The following PLA2G6 variants were observed in gnomAD, a reference collection of about 807,000 sequenced individuals.
The protein encoded by PLA2G6 is 85/88 kDa calcium-independent phospholipase A2.
Under a neutral mutation model 83.8 loss-of-function variants are expected in PLA2G6, and 62 were observed. The observed-to-expected ratio is 0.74, with a 90% CI of 0.60 to 0.91. The LOEUF is 0.91. Ranked by LOEUF, PLA2G6 falls within the 40% of genes least tolerant of loss-of-function variation. PLA2G6 has a pLI of 0.00. For missense variants in PLA2G6, 944 were observed against 1,102.0 expected (o/e 0.86, Z 2.03); for synonymous variants, 417 against 449.8 (o/e 0.93, Z 0.92).
chr22:38,128,473 A>G lies in PLA2G6; in HGVS notation c.1187-43T>C. 2 of 1,606,610 alleles carry G rather than the reference A, an allele frequency of 1.2e-6. No homozygotes were observed. The highest frequency in any genetic ancestry group is 2.2e-5 in the South Asian group (2 of 90,792). ...AAGGGGAGATGGCACAGGATCAGAA[A>G]TGATGTCAACATGCAAAGGAGAGGC... On this transcript the variant is annotated intron_variant, in intron 8 of 16. Coordinates refer to ENST00000332509, the MANE Select transcript of PLA2G6 (RefSeq NM_003560.4). The surrounding 1 kb of genome is among the most constrained non-coding windows in gnomAD (Gnocchi z 4.4).
intron 2 of PLA2G6, among the ~76,000 whole-genome samples, chr22:38,153,528 G>A (rs955959324): frequency 6.6e-6 from 1 of 151,830 alleles, no homozygotes; most frequent in African/African-American, 2.4e-5. Context: ...CCCAGCTACT[G>A]GGGAGGCTGA....
chr22:38,156,463 T>TA (rs945140363), intron 2 of PLA2G6, among the ~76,000 whole-genome samples: 3 of 151,368 alleles, frequency 2.0e-5, no homozygotes, highest in Admixed American at 6.6e-5. Context: ...TTGTTATTAT[T>TA]TTTTTTTTGA....
Position 38,133,007 on chromosome 22 carries a change from G to A in PLA2G6, c.901C>T (p.Arg301Cys), listed in dbSNP as rs367854265. ...LHWAKNAEMA[R>C]MLLKRGCNVN... Reference sequence around the variant, plus strand: ...TTGCAGCCCCGTTTCAGCAGCATGCGGGCCATCTGCGGGAGACGGTCAGGC... The same window carrying A: ...TTGCAGCCCCGTTTCAGCAGCATGCAGGCCATCTGCGGGAGACGGTCAGGC... Residue 301 changes from arginine to cysteine, a missense_variant, in exon 7 of 17, where the codon CGC becomes TGC. Physicochemically the swap from Arg to Cys is radical, Grantham distance 180. Coordinates refer to ENST00000332509, the MANE Select transcript of PLA2G6 (RefSeq NM_003560.4). 211 of 1,562,822 alleles carry A rather than the reference G, an allele frequency of 1.4e-4. No individual in the cohort carries two copies. The highest frequency in any genetic ancestry group is 1.8e-4 in the Non-Finnish European group (204 of 1,155,018).
intron 1 of PLA2G6, among the ~76,000 whole-genome samples, chr22:38,177,241 A>G (rs1289979427): frequency 6.6e-6 from 1 of 151,946 alleles, no homozygotes; most frequent in Non-Finnish European, 1.5e-5. Context: ...GAAAACACTG[A>G]ATGAACACAG....
At chr22:38,167,144 C>T (rs537726260) in intron 2 of PLA2G6, among the ~76,000 whole-genome samples, 126 of 149,022 alleles carry the variant, frequency 8.5e-4, no homozygotes, top group Non-Finnish European at 1.6e-3. Context: ...AGGAGAATGG[C>T]GTGAACCTGG....
intron 5 of PLA2G6, chr22:38,137,582 C>T (rs903752584): frequency 2.0e-5 from 3 of 151,392 alleles, no homozygotes; most frequent in Non-Finnish European, 2.9e-5. Flanking sequence ...GCCTGTAATC[C>T]CAGCATGTTG....
intron 2 of PLA2G6, among the ~76,000 whole-genome samples, chr22:38,159,303 C>T (rs1377212028): frequency 1.3e-5 from 2 of 152,090 alleles, no homozygotes; most frequent in Non-Finnish European, 2.9e-5. Context: ...ACAACATACC[C>T]AAACCGACAT....
chr22:38,145,553 T>C lies in PLA2G6; in HGVS notation c.310A>G (p.Thr104Ala), dbSNP rs1410256802. The C allele has an allele frequency of 1.2e-6, 2 of 1,612,886 alleles. No individual in the cohort carries two copies. Among genetic ancestry groups the C allele is most frequent in the African/African-American group, 1.3e-5 (1 of 74,848 alleles). The change falls in exon 3 of 17, where the codon ACT (threonine) becomes GCT (alanine). Residue 104 changes from threonine to alanine, a missense_variant. Coordinates refer to ENST00000332509, the MANE Select transcript of PLA2G6 (RefSeq NM_003560.4). ...FYESSPQVLH[T>A]EVLQHLTDLI... ...TCGGTCAGGTGCTGCAGGACCTCAG[T>C]GTGCAGGACCTGAGGGGAGCTCTCA...
At chr22:38,148,326 T>C (rs900179039) in intron 2 of PLA2G6, 1 of 580,718 alleles carries the variant, frequency 1.7e-6, no homozygotes, top group Non-Finnish European at 3.1e-6. Context: ...GGCATTTGAA[T>C]GCTGACGGGA....
chr22:38,175,175 C>G (rs2090586741), intron 1 of PLA2G6, among the ~76,000 whole-genome samples: 1 of 152,176 alleles, frequency 6.6e-6, no homozygotes, highest in African/African-American at 2.4e-5. Context: ...TGAAAGGGGC[C>G]TGCACTTGCG....
At position 38,153,591 on chromosome 22, in the gene PLA2G6, G is replaced by A. The variant is rs568513235; in HGVS notation, c.210-7938C>T. Reference sequence around the variant, plus strand: ...GCAGAGGTTGCAGTGAGCCGAGATCGCGCCACTGCACTCCAGCCTGGGTGA... The same window carrying A: ...GCAGAGGTTGCAGTGAGCCGAGATCACGCCACTGCACTCCAGCCTGGGTGA... On this transcript the variant is annotated intron_variant, in intron 2 of 16. Coordinates refer to ENST00000332509, the MANE Select transcript of PLA2G6 (RefSeq NM_003560.4). Among the ~76,000 whole-genome samples, 25 of 150,430 alleles carry A rather than the reference G, an allele frequency of 1.7e-4. No individual in the cohort carries two copies. The South Asian group carries it at 2.5e-3, about 15-fold the overall frequency.
At chr22:38,144,975 G>T in intron 3 of PLA2G6, 1 of 365,172 alleles carries the variant, frequency 2.7e-6, no homozygotes. Context: ...GAGCACTCCG[G>T]ACTCTGGAAA....
Position 38,169,398 on chromosome 22 carries a change from G to A in PLA2G6, c.29C>T (p.Thr10Ile), listed in dbSNP as rs1323819447. The change falls in exon 2 of 17, where the codon ACC (threonine) becomes ATC (isoleucine). Residue 10 changes from threonine (T) to isoleucine (I), a missense_variant. Thr to Ile is a moderately conservative substitution (Grantham distance 89). Coordinates refer to ENST00000332509, the MANE Select transcript of PLA2G6 (RefSeq NM_003560.4). MQFFGRLVNTFSGVTNLFSN... is the reference protein window; with the variant it reads MQFFGRLVNIFSGVTNLFSN... ...GAACAAGTTGGTGACGCCACTGAAG[G>A]TATTGACCAGGCGGCCAAAGAACTG... 19 of 1,614,126 alleles carry A rather than the reference G, an allele frequency of 1.2e-5. No homozygotes were observed. Among genetic ancestry groups the A allele is most frequent in the Non-Finnish European group, 1.6e-5 (19 of 1,180,054 alleles).
At chr22:38,180,733 T>A (rs1320507859) in intron 1 of PLA2G6, among the ~76,000 whole-genome samples, 3 of 152,196 alleles carry the variant, frequency 2.0e-5, no homozygotes, top group Non-Finnish European at 2.9e-5. Context: ...CTTTACCTTC[T>A]ACATTTTCTC....
chr22:38,156,167 A>G (rs2089769877), intron 2 of PLA2G6, among the ~76,000 whole-genome samples: 2 of 152,218 alleles, frequency 1.3e-5, no homozygotes, highest in Non-Finnish European at 2.9e-5. Flanking sequence ...GAACACCCAG[A>G]TATATAAAGG....
At chr22:38,124,447 G>A (rs1223545554) in intron 10 of PLA2G6, among the ~76,000 whole-genome samples, 5 of 152,218 alleles carry the variant, frequency 3.3e-5, no homozygotes, top group Non-Finnish European at 5.9e-5. Context: ...CCCACATCCT[G>A]CCTGTCCTCA....
Position 38,133,008 on chromosome 22 carries a change from G to T in PLA2G6, c.900C>A (p.Ala300=). 2 of 1,562,016 alleles carry T rather than the reference G, an allele frequency of 1.3e-6. No individual in the cohort carries two copies. The highest frequency in any genetic ancestry group is 2.4e-5 in the East Asian group (1 of 42,120). The change falls in exon 7 of 17, where the codon GCC becomes GCA. Residue 300 remains alanine, a synonymous_variant. Transcript: ENST00000332509. ...PLHWAKNAEM[A]RMLLKRGCNV... ...TGCAGCCCCGTTTCAGCAGCATGCG[G>T]GCCATCTGCGGGAGACGGTCAGGCT...
At chr22:38,165,073 C>A (rs1039362125) in intron 2 of PLA2G6, among the ~76,000 whole-genome samples, 1 of 152,174 alleles carries the variant, frequency 6.6e-6, no homozygotes, top group Non-Finnish European at 1.5e-5. Flanking sequence ...TCAAACCCTG[C>A]ATCCCAGTCC....
At chr22:38,119,168 G>A (rs1327092447) in intron 12 of PLA2G6, among the ~76,000 whole-genome samples, 1 of 152,130 alleles carries the variant, frequency 6.6e-6, no homozygotes, top group African/African-American at 2.4e-5. Flanking sequence ...AGGCCAAGGT[G>A]GAGGATCTGC....
Sources: gnomAD v4.1 joint callset for allele counts (sites outside exome capture counted in the v4.1 genomes callset) on GRCh38, gnomAD v4.1.1 for gene constraint, Gnocchi (gnomAD v3.1) non-coding constraint, MANE v1.5 for transcripts, NCBI Gene and HGNC (gene_info 2026-07-23, HGNC 2026-07-21) for gene names.